Variants in CSMD1 observed in about 807,000 individuals in gnomAD.
The protein encoded by CSMD1 is CUB and sushi domain-containing protein 1.
A neutral mutation model predicts 417.5 loss-of-function variants in CSMD1; 213 were observed. The observed-to-expected ratio is 0.51, with a 90% CI of 0.46 to 0.57. The LOEUF (loss-of-function observed/expected upper bound fraction) is 0.57. Among genes scored for constraint, CSMD1 ranks in the 20% least tolerant of loss-of-function variants. The probability of loss-of-function intolerance (pLI) is 0.00; values close to 1 mark genes in which losing one functional copy is unlikely to be tolerated. For missense variants in CSMD1, 6,923 were observed against 4,529.7 expected, an observed-to-expected ratio of 1.53 and a Z score of -15.17; for synonymous variants, 2,862 against 1,736.8, an observed-to-expected ratio of 1.65 and a Z score of -16.11.
intron 2 of CSMD1, among the ~76,000 whole-genome samples, chr8:4,555,351 A>T (rs986801225): frequency 2.0e-5 from 3 of 152,064 alleles, no homozygotes; most frequent in Non-Finnish European, 4.4e-5. Context: ...CTGGCAATGG[A>T]TGGAACATGG....
intron 54 of CSMD1, among the ~76,000 whole-genome samples, chr8:2,995,962 T>C (rs1408938600): frequency 6.6e-6 from 1 of 152,142 alleles, no homozygotes; most frequent in African/African-American, 2.4e-5. Flanking sequence ...ATAATGGACA[T>C]TCTCCATCTT....
chr8:4,918,493 G>T (rs1038115279), intron 1 of CSMD1, among the ~76,000 whole-genome samples: 12 of 151,738 alleles, frequency 7.9e-5, no homozygotes, highest in African/African-American at 2.9e-4. Context: ...GTGTATGTCT[G>T]CTCCAATATT....
intron 3 of CSMD1, among the ~76,000 whole-genome samples, chr8:4,103,862 T>G (rs1585319823): frequency 6.6e-6 from 1 of 152,316 alleles, no homozygotes; most frequent in African/African-American, 2.4e-5. Context: ...CATTGTCTGG[T>G]GCTATATCTC....
At chr8:4,355,123 G>A (rs1384475668) in intron 3 of CSMD1, among the ~76,000 whole-genome samples, 14 of 151,830 alleles carry the variant, frequency 9.2e-5, no homozygotes, top group Non-Finnish European at 1.3e-4. Flanking sequence ...TTAGCCGGGC[G>A]TGGTGGCGGG....
At chr8:3,627,609 T>A (rs1796559424) in intron 7 of CSMD1, among the ~76,000 whole-genome samples, 1 of 152,212 alleles carries the variant, frequency 6.6e-6, no homozygotes, top group Admixed American at 6.5e-5. Flanking sequence ...TTCTATAGTG[T>A]AAACTTTAAT....
rs923109521 is a variant in CSMD1 at position 3,102,146 on chromosome 8, C to A, written c.6949+4382G>T. 2.6e-5 allele frequency among the ~76,000 whole-genome samples: 4 copies of A among 152,212 alleles called. No homozygotes were observed. The South Asian group carries it at 8.3e-4, about 32-fold the overall frequency. ...TTGAAGAAGACAGACTAATAGCTAA[C>A]GTAATTTTTCTGAAGAATTTATTGG... On this transcript the variant is annotated intron_variant, in intron 46 of 69. Coordinates refer to ENST00000635120, the MANE Select transcript of CSMD1 (RefSeq NM_033225.6).
At chr8:4,306,610 G>C (rs766260033) in intron 3 of CSMD1, among the ~76,000 whole-genome samples, 1 of 151,846 alleles carries the variant, frequency 6.6e-6, no homozygotes, top group African/African-American at 2.4e-5. Context: ...TTCCTTCTTG[G>C]CCTCTTCAAT....
chr8:4,287,656 GTATTATTAT>G (rs57908266), intron 3 of CSMD1, among the ~76,000 whole-genome samples: 5 of 146,120 alleles, frequency 3.4e-5, no homozygotes, highest in African/African-American at 7.5e-5. Context: ...GTCATAGGTG[GTATTATTAT>G]TATTATTATT....
intron 52 of CSMD1, among the ~76,000 whole-genome samples, chr8:3,014,978 C>T (rs542945487): frequency 3.9e-5 from 6 of 152,168 alleles, no homozygotes; most frequent in African/African-American, 7.2e-5. Flanking sequence ...AAAGCTTCTT[C>T]ATGATGTGCT....
At chr8:3,706,118 G>A (rs531658749) in intron 7 of CSMD1, among the ~76,000 whole-genome samples, 7 of 152,342 alleles carry the variant, frequency 4.6e-5, no homozygotes, top group South Asian at 2.1e-4. Flanking sequence ...CGTTCGCCCC[G>A]TGTGGTTCAC....
intron 12 of CSMD1, among the ~76,000 whole-genome samples, chr8:3,439,421 GT>G (rs1814822711): frequency 4.3e-5 from 5 of 115,354 alleles, no homozygotes; most frequent in African/African-American, 2.0e-4. Flanking sequence ...AGTGTTCTAT[GT>G]GTTTATGGTA....
intron 49 of CSMD1, among the ~76,000 whole-genome samples, chr8:3,060,062 T>C (rs528560219): frequency 6.6e-6 from 1 of 152,252 alleles, no homozygotes; most frequent in South Asian, 2.1e-4. Flanking sequence ...TGGAATAAAG[T>C]ACTTTCCGGC....
intron 3 of CSMD1, among the ~76,000 whole-genome samples, chr8:4,400,518 A>G (rs1235855351): frequency 6.6e-6 from 1 of 152,224 alleles, no homozygotes; most frequent in Non-Finnish European, 1.5e-5. Context: ...AAAGTCAATA[A>G]AAATTGCCCT....
chr8:4,592,311 G>A (rs1334175433), intron 2 of CSMD1, among the ~76,000 whole-genome samples: 4 of 151,578 alleles, frequency 2.6e-5, no homozygotes, highest in African/African-American at 4.9e-5. Flanking sequence ...GTGGTAATTG[G>A]AATGCTTTTA....
intron 3 of CSMD1, among the ~76,000 whole-genome samples, chr8:4,281,046 T>A (rs1485363049): frequency 6.6e-6 from 1 of 152,312 alleles, no homozygotes; most frequent in South Asian, 2.1e-4. Flanking sequence ...TTGGTCTCTC[T>A]GGCTTCATGT....
chr8:3,961,962 G>C (rs549614221), intron 5 of CSMD1, among the ~76,000 whole-genome samples: 2 of 152,176 alleles, frequency 1.3e-5, no homozygotes. Context: ...ATATTGAAAG[G>C]AAAAGCAATG....
intron 1 of CSMD1, among the ~76,000 whole-genome samples, chr8:4,721,564 G>A (rs1409312899): frequency 6.6e-6 from 1 of 152,166 alleles, no homozygotes; most frequent in East Asian, 1.9e-4. Context: ...AAAGATAAAT[G>A]TTGACAAAGA....
At chr8:4,971,058 G>C (rs186882756) in intron 1 of CSMD1, among the ~76,000 whole-genome samples, 12 of 151,942 alleles carry the variant, frequency 7.9e-5, no homozygotes, top group African/African-American at 1.9e-4. Flanking sequence ...ACTAACTTTG[G>C]TCTTAACTAT....
intron 5 of CSMD1, among the ~76,000 whole-genome samples, chr8:3,882,966 G>C (rs1356872827): frequency 1.3e-5 from 2 of 152,122 alleles, no homozygotes; most frequent in Admixed American, 6.6e-5. Context: ...CTCTGCGAAA[G>C]TTTGTTGACT....
Sources: gnomAD v4.1 joint callset for allele counts (sites outside exome capture counted in the v4.1 genomes callset) on GRCh38, gnomAD v4.1.1 for gene constraint, MANE v1.5 for transcripts, NCBI Gene and HGNC (gene_info 2026-07-23, HGNC 2026-07-21) for gene names.